Variants in CENPW observed in about 807,000 individuals in gnomAD.
CENPW encodes centromere protein W, also known as cancer-up-regulated gene 2 protein.
A neutral mutation model predicts 11.1 loss-of-function variants in CENPW; 3 were observed. That is an observed-to-expected ratio of 0.27 (90% CI 0.12 to 0.70). The LOEUF is 0.70. CENPW is among the 30% of genes least tolerant of loss of function. The pLI, the probability that CENPW is intolerant of heterozygous loss-of-function variation, is 0.77. For synonymous variants in CENPW, 38 were observed against 42.0 expected (o/e 0.91, Z 0.37); for missense variants, 100 against 105.6 (o/e 0.95, Z 0.23).
At chr6:126,357,600 T>C in the CENPW span, among the ~76,000 whole-genome samples, 1 of 152,132 alleles carries the variant, frequency 6.6e-6, no homozygotes, top group Non-Finnish European at 1.5e-5. Flanking sequence ...TCAGCAATAT[T>C]TCATAGTTCT....
downstream of CENPW, among the ~76,000 whole-genome samples, chr6:126,349,356 A>G (rs1328056872): frequency 1.3e-5 from 2 of 152,130 alleles, no homozygotes; most frequent in African/African-American, 2.4e-5. Context: ...TATGGTGTAG[A>G]TTTGTTTAAC....
the CENPW span, among the ~76,000 whole-genome samples, chr6:126,406,516 A>G: frequency 2.6e-5 from 4 of 152,114 alleles, no homozygotes; most frequent in Admixed American, 6.6e-5. Flanking sequence ...CTCCACTTCA[A>G]TTTTCAAAAA....
chr6:126,413,899 C>A, the CENPW span, among the ~76,000 whole-genome samples: 1 of 151,668 alleles, frequency 6.6e-6, no homozygotes, highest in African/African-American at 2.4e-5. Context: ...TTAAAATGAC[C>A]CAACTATATG....
chr6:126,478,238 T>C, the CENPW span, among the ~76,000 whole-genome samples: 1 of 151,928 alleles, frequency 6.6e-6, no homozygotes, highest in Non-Finnish European at 1.5e-5. Flanking sequence ...ATCACAGTGA[T>C]TGGTCTAAGA....
At chr6:126,400,684 A>G in the CENPW span, among the ~76,000 whole-genome samples, 1 of 151,948 alleles carries the variant, frequency 6.6e-6, no homozygotes, top group Non-Finnish European at 1.5e-5. Flanking sequence ...ACTATTTGTT[A>G]TTGTTACACA....
chr6:126,406,433 T>C, the CENPW span, among the ~76,000 whole-genome samples: 1 of 152,208 alleles, frequency 6.6e-6, no homozygotes, highest in African/African-American at 2.4e-5. Context: ...GTTCTCTTTT[T>C]CTTTCTTTTT....
chr6:126,477,659 GA>G, the CENPW span, among the ~76,000 whole-genome samples: 1 of 151,964 alleles, frequency 6.6e-6, no homozygotes, highest in Non-Finnish European at 1.5e-5. Context: ...GAAACCCAAA[GA>G]GTAAAAGTTT....
chr6:126,462,570 T>C, the CENPW span, among the ~76,000 whole-genome samples: 1 of 149,964 alleles, frequency 6.7e-6, no homozygotes, highest in East Asian at 2.0e-4. Context: ...GCATCTTCTC[T>C]TACTCTCTTT....
the CENPW span, among the ~76,000 whole-genome samples, chr6:126,416,358 A>G: frequency 6.6e-6 from 1 of 152,180 alleles, no homozygotes; most frequent in Non-Finnish European, 1.5e-5. Flanking sequence ...AAAAGTTTGG[A>G]AAATTTGCAG....
At chr6:126,446,360 C>CT in the CENPW span, among the ~76,000 whole-genome samples, 1 of 147,176 alleles carries the variant, frequency 6.8e-6, no homozygotes, top group East Asian at 2.1e-4. Context: ...CTCCCTGGCC[C>CT]CCCCACAAGA....
At chr6:126,482,172 C>A in the CENPW span, among the ~76,000 whole-genome samples, 2 of 151,952 alleles carry the variant, frequency 1.3e-5, no homozygotes, top group Admixed American at 1.3e-4. Context: ...TACTGGATAT[C>A]ATCATTTTCT....
the CENPW span, among the ~76,000 whole-genome samples, chr6:126,461,175 A>G: frequency 1.3e-5 from 2 of 151,784 alleles, no homozygotes; most frequent in African/African-American, 4.8e-5. Context: ...AAATGATTGA[A>G]TCATGGGGCG....
the CENPW span, among the ~76,000 whole-genome samples, chr6:126,426,978 T>C: frequency 5.6e-4 from 85 of 152,306 alleles, no homozygotes; most frequent in African/African-American, 1.9e-3. Flanking sequence ...ATATAATTTG[T>C]CACCTGATTT....
At chr6:126,411,968 C>T in the CENPW span, among the ~76,000 whole-genome samples, 1 of 111,092 alleles carries the variant, frequency 9.0e-6, no homozygotes, top group Non-Finnish European at 1.9e-5. Flanking sequence ...CTCTCTCTCT[C>T]CTTTCTCTCC....
At chr6:126,447,574 T>C in the CENPW span, among the ~76,000 whole-genome samples, 2 of 151,238 alleles carry the variant, frequency 1.3e-5, no homozygotes, top group Admixed American at 1.3e-4. Flanking sequence ...GTTTTAAATG[T>C]CCATGTTCAC....
At chr6:126,440,855 C>T in the CENPW span, among the ~76,000 whole-genome samples, 2 of 151,400 alleles carry the variant, frequency 1.3e-5, no homozygotes, top group Non-Finnish European at 3.0e-5. Context: ...AAGAATGGTC[C>T]ATTTGAGGAG....
the CENPW span, among the ~76,000 whole-genome samples, chr6:126,475,130 T>G: frequency 6.6e-6 from 1 of 152,150 alleles, no homozygotes; most frequent in African/African-American, 2.4e-5. Flanking sequence ...CTTAAATTTA[T>G]TTTAACATGT....
the CENPW span, among the ~76,000 whole-genome samples, chr6:126,424,858 T>A: frequency 2.0e-5 from 3 of 152,072 alleles, no homozygotes; most frequent in Admixed American, 1.3e-4. Flanking sequence ...GAACCCTAAT[T>A]ACCCCTCAAA....
At chr6:126,461,756 T>C in the CENPW span, among the ~76,000 whole-genome samples, 3 of 151,952 alleles carry the variant, frequency 2.0e-5, no homozygotes, top group Non-Finnish European at 2.9e-5. Flanking sequence ...CTTTGATGTA[T>C]GTTGTAAGTA....
Sources: gnomAD v4.1 joint callset for allele counts (sites outside exome capture counted in the v4.1 genomes callset) on GRCh38, gnomAD v4.1.1 for gene constraint, MANE v1.5 for transcripts, NCBI Gene and HGNC (gene_info 2026-07-23, HGNC 2026-07-21) for gene names.